The following ROBO1 variants were observed in gnomAD, a reference collection of about 807,000 sequenced individuals.
ROBO1 encodes the protein roundabout homolog 1.
In ROBO1, 149 loss-of-function variants were observed where a neutral mutation model predicts 195.9. The observed-to-expected ratio is 0.76, with a 90% confidence interval of 0.67 to 0.87. ROBO1 has a LOEUF of 0.87. Among genes scored for constraint, ROBO1 ranks in the 40% least tolerant of loss-of-function variants. The probability of loss-of-function intolerance (pLI) is 0.00; values close to 1 mark genes in which losing one functional copy is unlikely to be tolerated. For missense variants in ROBO1, 1,933 were observed against 2,068.3 expected (o/e 0.93, Z 1.27); for synonymous variants, 816 against 733.2 (o/e 1.11, Z -1.82).
intron 4 of ROBO1, among the ~76,000 whole-genome samples, chr3:78,879,143 G>C (rs1331926266): frequency 1.3e-5 from 2 of 152,082 alleles, no homozygotes; most frequent in Admixed American, 6.6e-5. Context: ...CAAATTTTTT[G>C]ATTTATGCTA....
At chr3:78,691,696 G>A (rs1229362915) in intron 8 of ROBO1, among the ~76,000 whole-genome samples, 2 of 152,138 alleles carry the variant, frequency 1.3e-5, no homozygotes, top group African/African-American at 4.8e-5. Flanking sequence ...TTGATCAACT[G>A]ATACTTTCAT....
intron 2 of ROBO1, among the ~76,000 whole-genome samples, chr3:79,550,152 G>GAAGGAAGAAAGAAAGAAAGA (rs1559984156): frequency 1.1e-5 from 1 of 91,086 alleles, no homozygotes; most frequent in African/African-American, 6.6e-5. Flanking sequence ...AAAAAGAAAG[G>GAAGGAAGAAAGAAAGAAAGA]AAGAAAGAAA....
At chr3:79,664,135 A>C (rs1052266231) in intron 1 of ROBO1, among the ~76,000 whole-genome samples, 1 of 152,084 alleles carries the variant, frequency 6.6e-6, no homozygotes, top group African/African-American at 2.4e-5. Flanking sequence ...TCTTGTATCA[A>C]AATGAATTAT....
At chr3:78,765,033 C>CT (rs34606610) in intron 4 of ROBO1, among the ~76,000 whole-genome samples, 4 of 151,824 alleles carry the variant, frequency 2.6e-5, no homozygotes, top group South Asian at 2.1e-4. Context: ...ACATTTTAGA[C>CT]TTTTTTTTCA....
intron 2 of ROBO1, among the ~76,000 whole-genome samples, chr3:79,133,796 T>G (rs2080340078): frequency 7.3e-6 from 1 of 136,642 alleles, no homozygotes; most frequent in South Asian, 2.6e-4. Flanking sequence ...TGTTCTGTTT[T>G]TTCCCCATCT....
chr3:79,403,276 T>C (rs1314662124), intron 2 of ROBO1, among the ~76,000 whole-genome samples: 3 of 152,028 alleles, frequency 2.0e-5, no homozygotes. Flanking sequence ...CAGCATTTTC[T>C]TGTATTAATT....
At chr3:79,574,291 G>A (rs543512572) in intron 2 of ROBO1, among the ~76,000 whole-genome samples, 28 of 151,878 alleles carry the variant, frequency 1.8e-4, no homozygotes, top group Admixed American at 1.4e-3. Context: ...TGGATCACGC[G>A]TTTACATACA....
chr3:79,644,668 A>G (rs1266036930), intron 1 of ROBO1, among the ~76,000 whole-genome samples: 2 of 152,162 alleles, frequency 1.3e-5, no homozygotes, highest in Admixed American at 1.3e-4. Context: ...TCAAAATGAG[A>G]TTTTGGTGGG....
intron 3 of ROBO1, among the ~76,000 whole-genome samples, chr3:78,954,352 G>A (rs1471531902): frequency 6.6e-6 from 1 of 151,978 alleles, no homozygotes; most frequent in Non-Finnish European, 1.5e-5. Flanking sequence ...TGAGTGAATA[G>A]TCATATTGTT....
At chr3:79,105,888 A>G (rs2079769924) in intron 3 of ROBO1, among the ~76,000 whole-genome samples, 2 of 151,766 alleles carry the variant, frequency 1.3e-5, no homozygotes, top group South Asian at 4.1e-4. Context: ...GGAAATATTT[A>G]TTTTTGTAGA....
At chr3:79,757,254 G>A (rs979588007) in intron 1 of ROBO1, among the ~76,000 whole-genome samples, 8 of 152,106 alleles carry the variant, frequency 5.3e-5, no homozygotes, top group Non-Finnish European at 1.0e-4. Context: ...CACAGTGCCT[G>A]TACCACTTCA....
intron 1 of ROBO1, among the ~76,000 whole-genome samples, chr3:79,605,053 T>C (rs1560031136): frequency 6.6e-6 from 1 of 151,966 alleles, no homozygotes; most frequent in Non-Finnish European, 1.5e-5. Flanking sequence ...TGACTTTTGC[T>C]CCCATAACTG....
At chr3:79,676,879 C>G (rs1194279526) in intron 1 of ROBO1, among the ~76,000 whole-genome samples, 1 of 152,026 alleles carries the variant, frequency 6.6e-6, no homozygotes, top group Non-Finnish European at 1.5e-5. Context: ...TGGAACCATA[C>G]TTAGGATCCA....
intron 1 of ROBO1, among the ~76,000 whole-genome samples, chr3:79,595,009 G>A (rs1047330807): frequency 1.3e-5 from 2 of 151,884 alleles, no homozygotes; most frequent in African/African-American, 4.8e-5. Flanking sequence ...TTTGACAAAT[G>A]TATAGAACCA....
rs551868562 is a variant in ROBO1 at position 78,896,591 on chromosome 3, C to T, written c.499+42010G>A. Among the ~76,000 whole-genome samples, 15 of 137,932 alleles carry T rather than the reference C, an allele frequency of 1.1e-4. No individual in the cohort carries two copies. The South Asian group carries it at 3.4e-3, about 31-fold the overall frequency. 90.5% of individuals were successfully genotyped at this position (137,932 alleles called of 152,430 possible). ...AAGAACTAACGATAATCCCACTACC[C>T]TTTGCTGACTCTCTTTTCGGACTCA... is the stretch of plus-strand genomic sequence containing the variant. On this transcript the variant is annotated intron_variant, in intron 4 of 30. Transcript: ENST00000464233.
rs2108663563 is a variant in ROBO1 at position 79,161,038 on chromosome 3, T to A, written c.89-35499A>T. On this transcript the variant is annotated intron_variant, in intron 2 of 30. Coordinates refer to ENST00000464233, the MANE Select transcript of ROBO1 (RefSeq NM_002941.4). ...TTTCCTTTAAACCTCCTCATTAGAA[T>A]GATAAAAAGTCAAGGTATTTTGGTA... 1.3e-5 allele frequency among the ~76,000 whole-genome samples: 2 copies of A among 152,164 alleles called. 1 individual carries two copies. Among genetic ancestry groups the A allele is most frequent in the South Asian group, 4.1e-4 (2 of 4,830 alleles).
chr3:79,531,556 G>A (rs1941663649), intron 2 of ROBO1, among the ~76,000 whole-genome samples: 1 of 152,148 alleles, frequency 6.6e-6, no homozygotes, highest in Admixed American at 6.6e-5. Flanking sequence ...AGCCTGGGAG[G>A]TGGAGGTTCA....
intron 2 of ROBO1, among the ~76,000 whole-genome samples, chr3:79,185,663 A>T (rs189174091): frequency 6.6e-6 from 1 of 152,148 alleles, no homozygotes; most frequent in African/African-American, 2.4e-5. Flanking sequence ...ATAAAGACCT[A>T]TGTAACTTGA....
intron 4 of ROBO1, among the ~76,000 whole-genome samples, chr3:78,850,007 CAT>C (rs2033948656): frequency 6.6e-6 from 1 of 152,078 alleles, no homozygotes; most frequent in African/African-American, 2.4e-5. Context: ...ATATACTTAC[CAT>C]TGTGTTACAA....
Sources: gnomAD v4.1 joint callset for allele counts (sites outside exome capture counted in the v4.1 genomes callset) on GRCh38, gnomAD v4.1.1 for gene constraint, MANE v1.5 for transcripts, NCBI Gene and HGNC (gene_info 2026-07-23, HGNC 2026-07-21) for gene names.